The following ARID1B variants were observed in gnomAD, a reference collection of about 807,000 sequenced individuals.
ARID1B encodes AT-rich interactive domain-containing protein 1B.
In ARID1B, 30 loss-of-function variants were observed where a neutral mutation model predicts 212.3. The observed-to-expected ratio is 0.14, with a 90% CI of 0.11 to 0.19. The LOEUF (loss-of-function observed/expected upper bound fraction) is 0.19, where lower values mean the gene tolerates loss of function less well. ARID1B is among the 10% of genes least tolerant of loss of function. The pLI is 1.00. For synonymous variants in ARID1B, 1,402 were observed against 1,301.7 expected, an observed-to-expected ratio of 1.08 and a Z score of -1.66; for missense variants, 2,891 against 3,204.0, an observed-to-expected ratio of 0.90 and a Z score of 2.36.
intron 6 of ARID1B, among the ~76,000 whole-genome samples, chr6:157,124,552 A>G (rs572094248): frequency 6.6e-6 from 1 of 152,306 alleles, no homozygotes; most frequent in East Asian, 1.9e-4. Context: ...TTCTAGGCAC[A>G]CCTGTAAAAA....
chr6:156,823,011 C>T lies in ARID1B; in HGVS notation c.1792-6216C>T, dbSNP rs569906517. On this transcript the variant is annotated intron_variant, in intron 1 of 19. Transcript: ENST00000636930. ...AGAAAAGTAAACACAGATTGCTTCC[C>T]GATATGACAGCAACTATCTACAGGC... 6.6e-5 allele frequency among the ~76,000 whole-genome samples: 10 copies of T among 152,240 alleles called. No homozygotes were observed. The East Asian group carries it at 1.9e-3, about 29-fold the overall frequency.
intron 7 of ARID1B, among the ~76,000 whole-genome samples, chr6:157,145,374 G>A (rs11965250): frequency 0.074 from 11,250 of 152,222 alleles, 545 homozygotes; most frequent in African/African-American, 0.13. Flanking sequence ...TTGAGCAATC[G>A]TGATAGAGAC....
At chr6:157,028,939 G>A (rs766039689) in intron 4 of ARID1B, among the ~76,000 whole-genome samples, 5 of 152,182 alleles carry the variant, frequency 3.3e-5, no homozygotes, top group East Asian at 1.9e-4. Context: ...GAAGGATTGC[G>A]AACTGTATGT....
rs1778853786 is a variant in ARID1B, at chr6:156,778,473, C to G, written c.793C>G (p.Pro265Ala). 6 of 1,309,182 alleles carry G rather than the reference C, an allele frequency of 4.6e-6. No homozygotes were observed. Among genetic ancestry groups the G allele is most frequent in the Non-Finnish European group, 5.8e-6 (6 of 1,036,608 alleles). 81.1% of individuals were successfully genotyped at this position (1,309,182 alleles called of 1,614,324 possible). Residue 265 changes from proline (P) to alanine (A), a missense_variant, in exon 1 of 20, where the codon CCG (proline) becomes GCG (alanine). Around this residue, in one of 7 missense-constraint regions of ARID1B, gnomAD observed 1,643 missense variants for 1,544.0 expected, o/e 1.06. Transcript: ENST00000636930. Reference protein sequence around the residue: ...DPPGPPLLSKPGDEDDAPPKM... With the variant: ...DPPGPPLLSKAGDEDDAPPKM... Reference sequence around the variant, plus strand: ...CCCGGGCCCGCCGCTGCTGAGCAAGCCGGGCGACGAGGACGACGCGCCGCC... The same window carrying G: ...CCCGGGCCCGCCGCTGCTGAGCAAGGCGGGCGACGAGGACGACGCGCCGCC...
chr6:157,111,554 C>T lies in ARID1B; in HGVS notation c.2581+993C>T, dbSNP rs1167816269. Reference sequence around the variant, plus strand: ...CTTGGCAGCTAATATGTACTGGGCTCCTGACCCCTACTGTTTATAATTATT... The same window carrying T: ...CTTGGCAGCTAATATGTACTGGGCTTCTGACCCCTACTGTTTATAATTATT... On this transcript the variant is annotated intron_variant, in intron 6 of 19. Transcript: ENST00000636930. Among the ~76,000 whole-genome samples the T allele has an allele frequency of 3.9e-5, 6 of 152,130 alleles. No homozygotes were observed. In the East Asian group the frequency reaches 9.6e-4, roughly 24 times the overall value.
chr6:157,145,018 C>A (rs370310594), intron 7 of ARID1B, among the ~76,000 whole-genome samples: 1 of 152,170 alleles, frequency 6.6e-6, no homozygotes, highest in African/African-American at 2.4e-5. Flanking sequence ...CCAGCGCACC[C>A]GAGGTGTCTG....
chr6:157,015,781 G>A (rs770243172), intron 4 of ARID1B, among the ~76,000 whole-genome samples: 3 of 152,144 alleles, frequency 2.0e-5, no homozygotes, highest in South Asian at 2.1e-4. Flanking sequence ...TTCCTGGCAC[G>A]ATAGTAAAAT....
rs567521311 is a variant in ARID1B, at chr6:156,992,184, C to G, written c.2247+56608C>G. Among the ~76,000 whole-genome samples, 3 of 152,224 alleles carry G rather than the reference C, an allele frequency of 2.0e-5. No individual in the cohort carries two copies. In the East Asian group the frequency reaches 5.8e-4, roughly 29 times the overall value. On this transcript the variant is annotated intron_variant, in intron 4 of 19. Transcript: ENST00000636930. ...ATTGCACTAAGCTAACATTTTAGCT[C>G]TTGGGTTTCTGTATTTCCTGCTGTG...
chr6:156,959,720 A>G (rs761857959), intron 4 of ARID1B, among the ~76,000 whole-genome samples: 43 of 152,122 alleles, frequency 2.8e-4, no homozygotes, highest in Admixed American at 9.2e-4. Context: ...CTTTTTAAAT[A>G]TATGACCAGT....
chr6:156,857,328 C>T (rs1785021290), intron 2 of ARID1B, among the ~76,000 whole-genome samples: 1 of 152,132 alleles, frequency 6.6e-6, no homozygotes, highest in Non-Finnish European at 1.5e-5. Context: ...GCCCTGGTCC[C>T]CTGCTTTGTG....
chr6:156,809,791 T>C (rs550396944), intron 1 of ARID1B, among the ~76,000 whole-genome samples: 47 of 151,794 alleles, frequency 3.1e-4, no homozygotes, highest in Admixed American at 5.9e-4. Flanking sequence ...TTCTCAAGTC[T>C]GGTGGCTGAG....
intron 1 of ARID1B, among the ~76,000 whole-genome samples, chr6:156,825,077 C>T (rs1046498983): frequency 6.6e-6 from 1 of 152,102 alleles, no homozygotes; most frequent in African/African-American, 2.4e-5. Context: ...GTTGCTCAGG[C>T]TGGTCTTGAA....
chr6:157,113,308 C>G (rs1583327410), intron 6 of ARID1B, among the ~76,000 whole-genome samples: 1 of 152,198 alleles, frequency 6.6e-6, no homozygotes, highest in African/African-American at 2.4e-5. Context: ...TAAACCTCCT[C>G]TGAAAGACTG....
intron 6 of ARID1B, among the ~76,000 whole-genome samples, chr6:157,117,437 G>A (rs1787392496): frequency 6.6e-6 from 1 of 152,130 alleles, no homozygotes; most frequent in South Asian, 2.1e-4. Flanking sequence ...CAGATTTCGA[G>A]TCACATTCTA....
At chr6:157,130,248 T>G (rs17088172) in intron 6 of ARID1B, among the ~76,000 whole-genome samples, 4,514 of 152,194 alleles carry the variant, frequency 0.03, 214 homozygotes, top group African/African-American at 0.099. Context: ...GGAGTGAAAT[T>G]TAATGCTAAT....
At chr6:157,125,978 A>G (rs910777518) in intron 6 of ARID1B, among the ~76,000 whole-genome samples, 3 of 152,182 alleles carry the variant, frequency 2.0e-5, no homozygotes, top group Non-Finnish European at 4.4e-5. Flanking sequence ...GAGGGCAAGG[A>G]TCACATCTTT....
chr6:156,911,001 A>G (rs992331090), intron 3 of ARID1B, among the ~76,000 whole-genome samples: 3 of 152,250 alleles, frequency 2.0e-5, no homozygotes, highest in African/African-American at 7.2e-5. Context: ...ATGCTTAATT[A>G]AACAAATATT....
In ARID1B at chr6:156,955,146, G is replaced by C. The variant is rs947626993; in HGVS notation, c.2247+19570G>C. On this transcript the variant is annotated intron_variant, in intron 4 of 19. Transcript: ENST00000636930. This position sits in a 1 kb window ranked among gnomAD's most constrained non-coding sequence, Gnocchi z 4.2. ...CCTGGCTGCTGTTGGACTGGGTCGGGGCTGTTGTTCAAGCTTGCTAACGTG... is the reference window on the plus strand; with the variant it reads ...CCTGGCTGCTGTTGGACTGGGTCGGCGCTGTTGTTCAAGCTTGCTAACGTG... 2.0e-5 allele frequency among the ~76,000 whole-genome samples: 3 copies of C among 152,196 alleles called. No homozygotes were observed. Among genetic ancestry groups the C allele is most frequent in the Admixed American group, 2.0e-4 (3 of 15,284 alleles).
At chr6:156,805,918 C>T (rs1004250630) in intron 1 of ARID1B, among the ~76,000 whole-genome samples, 1 of 152,074 alleles carries the variant, frequency 6.6e-6, no homozygotes, top group African/African-American at 2.4e-5. Flanking sequence ...CTCAAGTGAT[C>T]CTCCTGCCTT....
Sources: gnomAD v4.1 joint callset for allele counts (sites outside exome capture counted in the v4.1 genomes callset) on GRCh38, gnomAD v4.1.1 for gene constraint, gnomAD v4.1.1 regional missense constraint, Gnocchi (gnomAD v3.1) non-coding constraint, MANE v1.5 for transcripts, NCBI Gene and HGNC (gene_info 2026-07-23, HGNC 2026-07-21) for gene names.